The following SETD2 variants were observed in gnomAD, a reference collection of about 807,000 sequenced individuals.
SETD2 encodes histone-lysine N-methyltransferase SETD2.
In SETD2, 31 loss-of-function variants were observed where a neutral mutation model predicts 242.1. That is an observed-to-expected ratio of 0.13 (90% CI 0.10 to 0.17). The LOEUF is 0.17. Ranked by LOEUF, SETD2 falls within the 10% of genes least tolerant of loss-of-function variation. The probability of loss-of-function intolerance (pLI) is 1.00; values close to 1 mark genes in which losing one functional copy is unlikely to be tolerated. For synonymous variants in SETD2, 1,006 were observed against 1,066.5 expected (o/e 0.94, Z 1.11); for missense variants, 2,481 against 3,046.3 (o/e 0.81, Z 4.37).
intron 15 of SETD2, among the ~76,000 whole-genome samples, chr3:47,047,314 G>C (rs1023915260): frequency 2.0e-5 from 3 of 152,108 alleles, no homozygotes; most frequent in Non-Finnish European, 4.4e-5. Flanking sequence ...AGTTTCATAA[G>C]AAATAAGTAC....
At chr3:47,018,963 T>C (rs960044159) in intron 19 of SETD2, among the ~76,000 whole-genome samples, 1 of 152,250 alleles carries the variant, frequency 6.6e-6, no homozygotes, top group African/African-American at 2.4e-5. Flanking sequence ...ACTGCCCAGA[T>C]TGTGGCTCCC....
intron 4 of SETD2, among the ~76,000 whole-genome samples, chr3:47,114,302 A>G (rs2042771474): frequency 6.6e-6 from 1 of 152,220 alleles, no homozygotes; most frequent in African/African-American, 2.4e-5. Context: ...GCTGCATGTA[A>G]GCTTTCAGTA....
In SETD2 at chr3:47,067,163, A is replaced by C. The variant is rs773020479; in HGVS notation, c.6061-45T>G. 4.3e-6 allele frequency: 6 copies of C among 1,409,166 alleles called. No individual in the cohort carries two copies. In the South Asian group the frequency reaches 6.9e-5, roughly 16 times the overall value. The allele number at this position is 1,409,166 out of a possible 1,614,324, so 87.3% of individuals were successfully genotyped here. ...GGGAGGGTTATTAGTGAGGGTGGAAATGGTGATTGCTTTGAAACTGACTGT... is the reference window on the plus strand; with the variant it reads ...GGGAGGGTTATTAGTGAGGGTGGAACTGGTGATTGCTTTGAAACTGACTGT... On this transcript the variant is annotated intron_variant, in intron 12 of 20. Coordinates refer to ENST00000409792, the MANE Select transcript of SETD2 (RefSeq NM_014159.7).
chr3:47,146,767 C>T (rs1019824476), intron 1 of SETD2, among the ~76,000 whole-genome samples: 1 of 151,894 alleles, frequency 6.6e-6, no homozygotes, highest in Non-Finnish European at 1.5e-5. Flanking sequence ...AGAGATCTTG[C>T]CTCTACAAAA....
At chr3:47,108,049 T>C (rs1260526180) in intron 5 of SETD2, among the ~76,000 whole-genome samples, 5 of 151,956 alleles carry the variant, frequency 3.3e-5, no homozygotes, top group Non-Finnish European at 5.9e-5. Context: ...GAGGCCGAGG[T>C]GGGTAGATCA....
At chr3:47,074,726 T>A (rs953579778) in intron 12 of SETD2, among the ~76,000 whole-genome samples, 1 of 133,688 alleles carries the variant, frequency 7.5e-6, no homozygotes, top group Non-Finnish European at 1.5e-5. Context: ...TACACGCCCC[T>A]GTTAGAGAAA....
At chr3:47,162,989 C>T (rs375509217) in intron 1 of SETD2, among the ~76,000 whole-genome samples, 1 of 152,192 alleles carries the variant, frequency 6.6e-6, no homozygotes, top group African/African-American at 2.4e-5. Flanking sequence ...AGAGAATCCT[C>T]AAACGATTCT....
Position 47,096,571 on chromosome 3 carries a change from CAAAAAAAAAAAAAA to C in SETD2, c.5142+1370_5142+1383del, listed in dbSNP as rs759377907. 2.4e-3 allele frequency among the ~76,000 whole-genome samples: 78 copies of C among 31,972 alleles called. 1 individual carries two copies. Among genetic ancestry groups the C allele is most frequent in the Admixed American group, 5.6e-3 (15 of 2,662 alleles). 21.0% of individuals were successfully genotyped at this position (31,972 alleles called of 152,430 possible). ...TAAGCAACAGAATGAGATTTTGCCT[CAAAAAAAAAAAAAA>C]AAAAAAAAAAAGGGGGGCTGGGCAC... is the stretch of plus-strand genomic sequence containing the variant. On this transcript the variant is annotated intron_variant, in intron 9 of 20. Coordinates refer to ENST00000409792, the MANE Select transcript of SETD2 (RefSeq NM_014159.7).
chr3:47,148,795 C>T (rs1279889023), intron 1 of SETD2, among the ~76,000 whole-genome samples: 2 of 152,194 alleles, frequency 1.3e-5, no homozygotes, highest in African/African-American at 4.8e-5. Flanking sequence ...GGCACGGTGG[C>T]TCACGCCTGT....
chr3:47,032,543 AC>A (rs1425152517), intron 18 of SETD2, among the ~76,000 whole-genome samples: 3 of 152,048 alleles, frequency 2.0e-5, no homozygotes, highest in Non-Finnish European at 4.4e-5. Context: ...AAAAACAAAA[AC>A]AAAAAAAAAC....
At chr3:47,115,642 C>T (rs1304011302) in intron 4 of SETD2, among the ~76,000 whole-genome samples, 1 of 152,032 alleles carries the variant, frequency 6.6e-6, no homozygotes, top group Non-Finnish European at 1.5e-5. Flanking sequence ...TTTCATCAAT[C>T]AGATTGGTTA....
At chr3:47,064,004 A>T (rs955526607) in intron 13 of SETD2, among the ~76,000 whole-genome samples, 7 of 152,018 alleles carry the variant, frequency 4.6e-5, no homozygotes, top group Admixed American at 2.0e-4. Context: ...AAAAAACAAC[A>T]ACTACTAAAT....
At chr3:47,155,762 T>C (rs1224256794) in intron 1 of SETD2, among the ~76,000 whole-genome samples, 1 of 152,084 alleles carries the variant, frequency 6.6e-6, no homozygotes, top group African/African-American at 2.4e-5. Flanking sequence ...GCCAAGATTG[T>C]GCCACTGCAC....
intron 15 of SETD2, among the ~76,000 whole-genome samples, chr3:47,050,726 T>C (rs996586559): frequency 4.4e-5 from 5 of 113,882 alleles, no homozygotes; most frequent in African/African-American, 7.0e-5. Flanking sequence ...CCTCTCTCTT[T>C]TTTTTTTTTT....
chr3:47,075,027 C>T (rs967843091), intron 12 of SETD2, among the ~76,000 whole-genome samples: 1 of 151,496 alleles, frequency 6.6e-6, no homozygotes, highest in Non-Finnish European at 1.5e-5. Context: ...CCAGCTACTC[C>T]GGAGGCTGTG....
intron 1 of SETD2, among the ~76,000 whole-genome samples, chr3:47,140,228 A>G (rs2043694579): frequency 6.6e-6 from 1 of 152,196 alleles, no homozygotes; most frequent in African/African-American, 2.4e-5. Context: ...TTATGCCTGA[A>G]ATGTTTCTCT....
At chr3:47,161,828 T>C (rs182533681) in intron 1 of SETD2, among the ~76,000 whole-genome samples, 78 of 151,464 alleles carry the variant, frequency 5.1e-4, no homozygotes, top group South Asian at 2.1e-3. Context: ...GGAGGACTGC[T>C]TAAGCCCAGA....
intron 14 of SETD2, among the ~76,000 whole-genome samples, chr3:47,061,043 C>G (rs1429103911): frequency 6.6e-6 from 1 of 151,918 alleles, no homozygotes; most frequent in African/African-American, 2.4e-5. Context: ...ATGGTGAAAC[C>G]CCATCTCTAC....
chr3:47,036,673 C>T (rs2039009772), intron 18 of SETD2, among the ~76,000 whole-genome samples: 1 of 151,886 alleles, frequency 6.6e-6, no homozygotes. Context: ...GAGGCCAAGG[C>T]AGGCAGATCA....
Sources: gnomAD v4.1 joint callset for allele counts (sites outside exome capture counted in the v4.1 genomes callset) on GRCh38, gnomAD v4.1.1 for gene constraint, MANE v1.5 for transcripts, NCBI Gene and HGNC (gene_info 2026-07-23, HGNC 2026-07-21) for gene names.